PTPRD: variants seen among roughly 807,000 people sequenced by gnomAD.
PTPRD encodes protein tyrosine phosphatase receptor type D.
In PTPRD, 34 loss-of-function variants were observed where a neutral mutation model predicts 214.5. The ratio of observed to expected loss-of-function variants is 0.16; its 90% CI spans 0.12 to 0.21. The LOEUF (loss-of-function observed/expected upper bound fraction) is 0.21. Ranked by LOEUF, PTPRD falls within the 10% of genes least tolerant of loss-of-function variation. The probability of loss-of-function intolerance (pLI) is 1.00; values close to 1 mark genes in which losing one functional copy is unlikely to be tolerated. For synonymous variants in PTPRD, 1,128 were observed against 845.7 expected, an observed-to-expected ratio of 1.33 and a Z score of -5.79; for missense variants, 2,545 against 2,398.7, an observed-to-expected ratio of 1.06 and a Z score of -1.27.
chr9:8,966,131 C>T (rs925060045), intron 11 of PTPRD, among the ~76,000 whole-genome samples: 3 of 151,882 alleles, frequency 2.0e-5, no homozygotes, highest in Non-Finnish European at 2.9e-5. Context: ...TCATAAATGA[C>T]ACAAATAACA....
intron 22 of PTPRD, among the ~76,000 whole-genome samples, chr9:8,506,912 G>C (rs1456727874): frequency 1.3e-5 from 2 of 152,118 alleles, no homozygotes; most frequent in South Asian, 2.1e-4. Flanking sequence ...TTAACATATA[G>C]AGCTAATTTA....
rs142932353 is a variant in PTPRD at position 9,009,117 on chromosome 9, A to G, written c.-104+9580T>C. 8.7e-5 allele frequency among the ~76,000 whole-genome samples: 13 copies of G among 149,346 alleles called. No homozygotes were observed. In the East Asian group the frequency reaches 2.4e-3, roughly 27 times the overall value. The stretch of plus-strand genomic sequence containing the variant: ...AGAACTTGCTCTAAAAGTACAAATC[A>G]TTCTCTCATTCACCTAAAATTTTAT... On this transcript the variant is annotated intron_variant, in intron 11 of 45. Coordinates refer to ENST00000381196, the MANE Select transcript of PTPRD (RefSeq NM_002839.4).
chr9:10,333,800 C>T (rs117906734), intron 3 of PTPRD, among the ~76,000 whole-genome samples: 4 of 151,830 alleles, frequency 2.6e-5, no homozygotes, highest in Non-Finnish European at 5.9e-5. Context: ...TTTTGTCTAC[C>T]TAGGTCTCTA....
chr9:9,615,493 A>T (rs1041537469), intron 7 of PTPRD, among the ~76,000 whole-genome samples: 1 of 152,146 alleles, frequency 6.6e-6, no homozygotes, highest in African/African-American at 2.4e-5. Context: ...CCTTGGATCA[A>T]GGGTTGTCTG....
At chr9:8,425,785 TA>T (rs1391651886) in intron 35 of PTPRD, among the ~76,000 whole-genome samples, 2 of 152,178 alleles carry the variant, frequency 1.3e-5, no homozygotes, top group Non-Finnish European at 2.9e-5. Context: ...CTACTCCTCT[TA>T]TAAACAAAGA....
At chr9:9,208,102 C>T (rs777008006) in intron 9 of PTPRD, among the ~76,000 whole-genome samples, 3 of 138,952 alleles carry the variant, frequency 2.2e-5, no homozygotes, top group African/African-American at 7.9e-5. Context: ...GCAAGCTCCG[C>T]CTCCCGTGTT....
chr9:8,821,480 A>T (rs1486494635), intron 11 of PTPRD, among the ~76,000 whole-genome samples: 1 of 152,170 alleles, frequency 6.6e-6, no homozygotes, highest in Non-Finnish European at 1.5e-5. Flanking sequence ...AGCTCCTTGG[A>T]TAAGGCCCAA....
intron 21 of PTPRD, among the ~76,000 whole-genome samples, chr9:8,510,241 A>T (rs1368906713): frequency 2.0e-5 from 3 of 152,160 alleles, no homozygotes; most frequent in African/African-American, 4.8e-5. Flanking sequence ...ACAGTGAACG[A>T]TGACTGAGCC....
At chr9:9,246,756 G>A (rs10816074) in intron 9 of PTPRD, among the ~76,000 whole-genome samples, 78,091 of 151,810 alleles carry the variant, frequency 0.51, 20,433 homozygotes, top group African/African-American at 0.59. Flanking sequence ...GGAGCTGAGA[G>A]ATTGGTTCCA....
intron 10 of PTPRD, among the ~76,000 whole-genome samples, chr9:9,021,319 GTTATAGCACAGTGCATTAC>G (rs1450559423): frequency 8.5e-5 from 13 of 152,080 alleles, no homozygotes; most frequent in Non-Finnish European, 1.6e-4. Flanking sequence ...CTGTTGTAAT[GTTATAGCACAGTGCATTAC>G]TCATAGCACA....
intron 2 of PTPRD, among the ~76,000 whole-genome samples, chr9:10,553,724 AAG>A (rs1022593126): frequency 6.6e-6 from 1 of 152,026 alleles, no homozygotes; most frequent in African/African-American, 2.4e-5. Context: ...CATATATTCA[AAG>A]AGAGAGAGAA....
At chr9:9,515,532 G>A (rs2096816239) in intron 8 of PTPRD, among the ~76,000 whole-genome samples, 1 of 151,962 alleles carries the variant, frequency 6.6e-6, no homozygotes, top group Admixed American at 6.6e-5. Flanking sequence ...ATATAAGAGA[G>A]AATGGTGGAG....
At chr9:8,395,736 C>A (rs2090963150) in intron 36 of PTPRD, among the ~76,000 whole-genome samples, 1 of 151,968 alleles carries the variant, frequency 6.6e-6, no homozygotes, top group Admixed American at 6.6e-5. Flanking sequence ...ACCCAACCTG[C>A]AACTCCTCAT....
intron 9 of PTPRD, among the ~76,000 whole-genome samples, chr9:9,193,808 G>A (rs1036367429): frequency 6.6e-6 from 1 of 151,954 alleles, no homozygotes; most frequent in African/African-American, 2.4e-5. Context: ...GGACATTACT[G>A]TGCACAACTG....
At chr9:10,137,511 T>C (rs2098950468) in intron 3 of PTPRD, among the ~76,000 whole-genome samples, 1 of 73,940 alleles carries the variant, frequency 1.4e-5, no homozygotes, top group African/African-American at 5.9e-5. Flanking sequence ...TGAGATCACA[T>C]GGACACAGGA....
intron 9 of PTPRD, among the ~76,000 whole-genome samples, chr9:9,214,677 A>G (rs1171267326): frequency 6.6e-6 from 1 of 152,174 alleles, no homozygotes; most frequent in South Asian, 2.1e-4. Context: ...AGAAGATAAA[A>G]ACGCCAATAT....
chr9:9,556,375 G>A (rs889151855), intron 8 of PTPRD, among the ~76,000 whole-genome samples: 1 of 152,058 alleles, frequency 6.6e-6, no homozygotes. Context: ...GGTAGAAGGG[G>A]AAGGAGGCAC....
In PTPRD at chr9:10,005,183, G is replaced by T. The variant is rs114818872; in HGVS notation, c.-472+28535C>A. Among the ~76,000 whole-genome samples, 922 of 151,978 alleles carry T rather than the reference G, an allele frequency of 6.1e-3. 8 individuals are homozygous for T. Among genetic ancestry groups the T allele is most frequent in the African/African-American group, 0.021 (861 of 41,442 alleles). ...GATTATAATAACTGTTACTGTCCTA[G>T]GGCAGCAGATAAGGCACAAAGCTAA... On this transcript the variant is annotated intron_variant, in intron 4 of 45. Transcript: ENST00000381196.
intron 3 of PTPRD, among the ~76,000 whole-genome samples, chr9:10,146,199 A>G (rs541363980): frequency 1.0e-3 from 153 of 150,720 alleles, no homozygotes; most frequent in Non-Finnish European, 1.7e-3. Context: ...CTATGCACAC[A>G]TATATACATA....
Sources: gnomAD v4.1 joint callset for allele counts (sites outside exome capture counted in the v4.1 genomes callset) on GRCh38, gnomAD v4.1.1 for gene constraint, MANE v1.5 for transcripts, NCBI Gene and HGNC (gene_info 2026-07-23, HGNC 2026-07-21) for gene names.